Variants in AR observed in about 807,000 individuals in gnomAD.
AR encodes the protein androgen receptor.
In AR, 8 loss-of-function variants were observed where a neutral mutation model predicts 53.9. That is an observed-to-expected ratio of 0.15 (90% CI 0.09 to 0.27). AR has a LOEUF of 0.27. Among genes scored for constraint, AR ranks in the 10% least tolerant of loss-of-function variants. AR has a pLI of 1.00. For missense variants in AR, 639 were observed against 742.5 expected (o/e 0.86, Z 1.62); for synonymous variants, 359 against 316.4 (o/e 1.13, Z -1.43).
At chrX:67,646,632 A>G (rs182408211) in intron 2 of AR, among the ~76,000 whole-genome samples, 18 of 110,747 alleles carry the variant, frequency 1.6e-4, no homozygotes, top group African/African-American at 5.2e-4. Flanking sequence ...AAGGCAATAC[A>G]CATAAACAGA....
intron 2 of AR, among the ~76,000 whole-genome samples, chrX:67,684,017 A>G (rs752458509): frequency 1.6e-4 from 18 of 112,174 alleles, no homozygotes; most frequent in African/African-American, 4.9e-4. Context: ...AGGGTCCAAG[A>G]AAGTATTTTC....
In AR at chrX:67,665,643, C is replaced by T. The variant is rs1050804439; in HGVS notation, c.1769-20367C>T. 3.8e-4 allele frequency among the ~76,000 whole-genome samples: 42 copies of T among 111,297 alleles called. 1 individual carries two copies. The highest frequency in any genetic ancestry group is 1.4e-3 in the African/African-American group (42 of 30,590). On this transcript the variant is annotated intron_variant, in intron 2 of 7. Coordinates refer to ENST00000374690, the MANE Select transcript of AR (RefSeq NM_000044.6). ...GAGAAATGCCCATCATGTACACACA[C>T]ATCTAATAACACAAAGATCACTCTC... is the stretch of plus-strand genomic sequence containing the variant.
chrX:67,707,767 G>A (rs941724181), intron 3 of AR, among the ~76,000 whole-genome samples: 14 of 112,004 alleles, frequency 1.2e-4, no homozygotes, highest in Non-Finnish European at 2.6e-4. Context: ...GCATGTTTTT[G>A]CAGTGGCTGG....
intron 1 of AR, among the ~76,000 whole-genome samples, chrX:67,598,011 C>T (rs768796698): frequency 9.0e-5 from 10 of 111,495 alleles, no homozygotes; most frequent in Non-Finnish European, 1.5e-4. Context: ...ACAGTATTTG[C>T]GGACTTGAGC....
At chrX:67,608,439 C>T (rs1044724488) in intron 1 of AR, among the ~76,000 whole-genome samples, 3 of 111,721 alleles carry the variant, frequency 2.7e-5, no homozygotes, top group African/African-American at 6.5e-5. Flanking sequence ...TCATGGAGCA[C>T]GTCATGTTTT....
rs747360612 is a variant in AR, at chrX:67,726,948, G to T, written c.*3107G>T. ...ACAAGGACCATCTCCAAACAAGTTG[G>T]CAGTGCTCGATGTGGACGAAGAGTG... On this transcript the variant is annotated 3_prime_UTR_variant, in exon 8 of 8. Coordinates refer to ENST00000374690, the MANE Select transcript of AR (RefSeq NM_000044.6). The T allele has an allele frequency of 7.5e-5, 13 of 172,903 alleles. No individual in the cohort carries two copies. Among genetic ancestry groups the T allele is most frequent in the African/African-American group, 2.1e-4 (7 of 33,979 alleles). The allele number at this position is 172,903 out of a possible 1,213,427, so 14.2% of individuals were successfully genotyped here.
At chrX:67,621,143 A>G (rs1022109450) in intron 1 of AR, among the ~76,000 whole-genome samples, 1 of 111,914 alleles carries the variant, frequency 8.9e-6, no homozygotes, top group African/African-American at 3.2e-5. Context: ...TGGCGTAAGA[A>G]TGATAACACC....
chrX:67,572,486 C>A (rs1208038354), intron 1 of AR, among the ~76,000 whole-genome samples: 4 of 111,279 alleles, frequency 3.6e-5, no homozygotes, highest in Non-Finnish European at 5.7e-5. Flanking sequence ...CAGGTAAACT[C>A]TTATTACATC....
Position 67,546,287 on chromosome X carries a change from C to T in AR, c.1141C>T (p.Pro381Ser), listed in dbSNP as rs773716161. ...CGGACCGCCGCCCCCTCCGCCGCCT[C>T]CCCATCCCCACGCTCGCATCAAGCT... is the stretch of plus-strand genomic sequence containing the variant. ...LAGPPPPPPP[P>S]HPHARIKLEN... The change falls in exon 1 of 8, where the codon CCC (proline) becomes TCC (serine). Residue 381 changes from proline to serine, a missense_variant. Around this residue, in one of 5 missense-constraint regions of AR, gnomAD observed 423 missense variants for 377.0 expected, o/e 1.12. Coordinates refer to ENST00000374690, the MANE Select transcript of AR (RefSeq NM_000044.6). 19 of 1,203,061 alleles carry T rather than the reference C, an allele frequency of 1.6e-5. No individual in the cohort carries two copies. The highest frequency in any genetic ancestry group is 3.0e-5 in the East Asian group (1 of 33,396).
chrX:67,682,451 A>AT (rs368676022), intron 2 of AR, among the ~76,000 whole-genome samples: 538 of 104,005 alleles, frequency 5.2e-3, no homozygotes, highest in African/African-American at 9.6e-3. Flanking sequence ...CACCTAGCTA[A>AT]TTTTTTTTTT....
intron 2 of AR, among the ~76,000 whole-genome samples, chrX:67,663,931 A>G (rs1214097111): frequency 9.0e-6 from 1 of 111,681 alleles, no homozygotes; most frequent in African/African-American, 3.3e-5. Context: ...AGGCTTGTGC[A>G]TTTGTCACGT....
chrX:67,684,063 C>G (rs1184049149), intron 2 of AR, among the ~76,000 whole-genome samples: 1 of 111,518 alleles, frequency 9.0e-6, no homozygotes, highest in African/African-American at 3.3e-5. Flanking sequence ...AAGGCACGCA[C>G]TTTCTAACCT....
intron 1 of AR, among the ~76,000 whole-genome samples, chrX:67,599,240 G>A (rs1752595365): frequency 8.9e-6 from 1 of 111,811 alleles, no homozygotes; most frequent in Non-Finnish European, 1.9e-5. Context: ...TGGCAATGTA[G>A]ACTAAATACT....
At chrX:67,664,725 A>G (rs1213101252) in intron 2 of AR, among the ~76,000 whole-genome samples, 1 of 112,531 alleles carries the variant, frequency 8.9e-6, no homozygotes, top group Non-Finnish European at 1.9e-5. Context: ...TGGAGTCTAC[A>G]GAGGCAGGCA....
At chrX:67,575,202 T>C (rs1274959207) in intron 1 of AR, among the ~76,000 whole-genome samples, 2 of 111,114 alleles carry the variant, frequency 1.8e-5, no homozygotes, top group Admixed American at 9.6e-5. Flanking sequence ...GTAATTCATT[T>C]TTAAAAAGGA....
rs34070681 is a variant in AR, at chrX:67,643,069, GCT to G, written c.1617-185_1617-184del. 8.0e-3 allele frequency among the ~76,000 whole-genome samples: 894 copies of G among 111,889 alleles called. 7 individuals are homozygous for G. The highest frequency in any genetic ancestry group is 0.028 in the African/African-American group (851 of 30,823). ...TAATCCCTTGGCAAGATCCAAAAAG[GCT>G]CAGTCACACCCTACAACCATCATCT... is the stretch of plus-strand genomic sequence containing the variant. On this transcript the variant is annotated intron_variant, in intron 1 of 7. Transcript: ENST00000374690.
chrX:67,595,283 C>T (rs1431365071), intron 1 of AR, among the ~76,000 whole-genome samples: 1 of 109,930 alleles, frequency 9.1e-6, no homozygotes, highest in East Asian at 2.9e-4. Context: ...AAATCTTACA[C>T]TGTATATTGA....
At chrX:67,648,782 C>T (rs1022565202) in intron 2 of AR, among the ~76,000 whole-genome samples, 6 of 112,359 alleles carry the variant, frequency 5.3e-5, no homozygotes, top group East Asian at 2.8e-4. Flanking sequence ...ATGTAAATAT[C>T]TGTAATGCTT....
intron 1 of AR, among the ~76,000 whole-genome samples, chrX:67,618,762 C>T (rs925426392): frequency 9.0e-6 from 1 of 110,518 alleles, no homozygotes; most frequent in Non-Finnish European, 1.9e-5. Flanking sequence ...GATGATGTGG[C>T]AAAGGAGACA....
Sources: gnomAD v4.1 joint callset for allele counts (sites outside exome capture counted in the v4.1 genomes callset) on GRCh38, gnomAD v4.1.1 for gene constraint, gnomAD v4.1.1 regional missense constraint, MANE v1.5 for transcripts, NCBI Gene and HGNC (gene_info 2026-07-23, HGNC 2026-07-21) for gene names.